CLINT1: variants seen among roughly 807,000 people sequenced by gnomAD.
CLINT1 encodes the protein clathrin interacting protein localized in the trans-Golgi region.
CLINT1 carries 15 observed loss-of-function variants against 70.4 expected under a neutral mutation model. The observed-to-expected ratio is 0.21, with a 90% CI of 0.14 to 0.33. The LOEUF is 0.33. Ranked by LOEUF, CLINT1 falls within the 10% of genes least tolerant of loss-of-function variation. CLINT1 has a pLI of 1.00. For missense variants in CLINT1, 615 were observed against 778.1 expected (o/e 0.79, Z 2.49); for synonymous variants, 227 against 254.7 (o/e 0.89, Z 1.04).
intron 8 of CLINT1, among the ~76,000 whole-genome samples, chr5:157,799,868 G>T (rs1413507610): frequency 6.6e-6 from 1 of 152,052 alleles, no homozygotes; most frequent in East Asian, 1.9e-4. Context: ...CACTATACTG[G>T]ATACTGTAGG....
At position 157,794,906 on chromosome 5, in the gene CLINT1, G is replaced by T; in HGVS notation, c.1079C>A (p.Pro360His). ...ATCAAATTGAATCATACCTTGGGAA[G>T]GGAAACTGCCTGATGCAGCAGCTGA... ...FGSAAASGSF[P>H]SQVTATSGNG... The change falls in exon 9 of 12, where the codon CCT becomes CAT. Residue 360 changes from proline (P) to histidine (H), a missense_variant. By Grantham distance (77) the Pro-to-His change is moderately conservative. Around this residue, in one of 2 missense-constraint regions of CLINT1, gnomAD observed 374 missense variants for 409.6 expected, o/e 0.91. Transcript: ENST00000411809. The T allele has an allele frequency of 6.4e-7, 1 of 1,558,016 alleles. No individual in the cohort carries two copies. The highest frequency in any genetic ancestry group is 2.4e-5 in the East Asian group (1 of 41,642).
intron 1 of CLINT1, among the ~76,000 whole-genome samples, chr5:157,855,533 C>CTA (rs886824564): frequency 1.3e-5 from 2 of 152,120 alleles, no homozygotes. Context: ...TCTGGCAGGC[C>CTA]TATGGCTTTA....
chr5:157,788,317 T>C (rs1265140652), intron 11 of CLINT1, among the ~76,000 whole-genome samples: 1 of 152,206 alleles, frequency 6.6e-6, no homozygotes, highest in African/African-American at 2.4e-5. Context: ...AAAAAATCTT[T>C]CAAAGGTTTA....
chr5:157,814,638 G>A (rs944641764), intron 3 of CLINT1, among the ~76,000 whole-genome samples: 1 of 152,154 alleles, frequency 6.6e-6, no homozygotes, highest in Non-Finnish European at 1.5e-5. Flanking sequence ...TGAGCATTAT[G>A]GAACTGTGAA....
At chr5:157,830,796 C>CTATATATATATATATA (rs369160163) in intron 1 of CLINT1, among the ~76,000 whole-genome samples, 2 of 85,718 alleles carry the variant, frequency 2.3e-5, no homozygotes, top group Admixed American at 1.4e-4. Context: ...CTCTCTCTCT[C>CTATATATATATATATA]TATATATATA....
At chr5:157,849,303 C>T (rs954644228) in intron 1 of CLINT1, among the ~76,000 whole-genome samples, 2 of 152,184 alleles carry the variant, frequency 1.3e-5, no homozygotes, top group Non-Finnish European at 1.5e-5. Context: ...CAAGATTTTC[C>T]ACCAGCAGAA....
intron 1 of CLINT1, among the ~76,000 whole-genome samples, chr5:157,857,096 G>C (rs1308820574): frequency 1.3e-5 from 2 of 151,886 alleles, no homozygotes; most frequent in African/African-American, 4.8e-5. Context: ...AAATAAGGAG[G>C]CAGTGCCAGG....
At position 157,803,644 on chromosome 5, in the gene CLINT1, G is replaced by T; in HGVS notation, c.1012+6C>A. 6.7e-7 allele frequency: 1 copy of T among 1,501,976 alleles called. No homozygotes were observed. 93.0% of individuals were successfully genotyped at this position (1,501,976 alleles called of 1,614,324 possible). ...ACCAAAAGAAAAGGCCAATGTAGAA[G>T]CTTACCTGTTGACTGGCTGGTGCCA... On this transcript the variant is annotated splice_donor_region_variant and intron_variant, in intron 8 of 11. Coordinates refer to ENST00000411809, the MANE Select transcript of CLINT1 (RefSeq NM_014666.4).
chr5:157,811,532 A>T (rs1762557760), intron 5 of CLINT1, among the ~76,000 whole-genome samples: 1 of 121,614 alleles, frequency 8.2e-6, no homozygotes, highest in Non-Finnish European at 1.7e-5. Context: ...GAATCCTCAA[A>T]AAAAAAAAAA....
intron 1 of CLINT1, among the ~76,000 whole-genome samples, chr5:157,835,740 C>T (rs1481886659): frequency 6.6e-6 from 1 of 152,112 alleles, no homozygotes; most frequent in African/African-American, 2.4e-5. Flanking sequence ...ACAAAGCCAG[C>T]TCTTTTGGGG....
rs190360771 is a variant in CLINT1 at position 157,789,086 on chromosome 5, A to C, written c.1531+277T>G. Among the ~76,000 whole-genome samples the C allele has an allele frequency of 1.9e-3, 289 of 152,306 alleles. 1 individual carries two copies. The highest frequency in any genetic ancestry group is 6.7e-3 in the African/African-American group (278 of 41,586). On this transcript the variant is annotated intron_variant, in intron 11 of 11. Transcript: ENST00000411809. ...CCATCGTATTTGCCTATATTTAAAAAAAAATCTGTATAGCAAATTTTTATT... is the reference window on the plus strand; with the variant it reads ...CCATCGTATTTGCCTATATTTAAAACAAAATCTGTATAGCAAATTTTTATT...
At chr5:157,856,929 A>T (rs1214311998) in intron 1 of CLINT1, among the ~76,000 whole-genome samples, 2 of 152,238 alleles carry the variant, frequency 1.3e-5, no homozygotes, top group African/African-American at 4.8e-5. Context: ...AAGTGTGATA[A>T]GCAAATATGA....
intron 10 of CLINT1, chr5:157,789,784 C>T: frequency 1.8e-6 from 1 of 541,116 alleles, no homozygotes. Flanking sequence ...CCTACACTAA[C>T]AATTATTCTC....
At position 157,791,695 on chromosome 5, in the gene CLINT1, C is replaced by T; in HGVS notation, c.1380+8G>A. On this transcript the variant is annotated splice_region_variant and intron_variant, in intron 10 of 11. Transcript: ENST00000411809. ...AATAACAAATTCCAAGGGAACCAGA[C>T]AACTTACCTGTGATCTTGACATAGG... is the stretch of plus-strand genomic sequence containing the variant. The T allele has an allele frequency of 6.2e-7, 1 of 1,600,038 alleles. No individual in the cohort carries two copies.
rs1271911218 is a variant in CLINT1, at chr5:157,791,499, C to T, written c.1380+204G>A. ...CTACAAGATGGGGGAGAAGGTCTTG[C>T]CTTCCAGAATGCAAATGACTATGCT... On this transcript the variant is annotated intron_variant, in intron 10 of 11. Transcript: ENST00000411809. 5 of 555,246 alleles carry T rather than the reference C, an allele frequency of 9.0e-6. No homozygotes were observed. The Admixed American group carries it at 1.0e-4, about 11-fold the overall frequency. The allele number at this position is 555,246 out of a possible 1,614,324, so 34.4% of individuals were successfully genotyped here. A position where few individuals can be genotyped will look rare whatever the true frequency, so the allele number is the denominator to read the frequency against.
At chr5:157,817,715 A>T (rs934530889) in intron 1 of CLINT1, among the ~76,000 whole-genome samples, 168 bp from the exon 2 acceptor site, 2 of 152,216 alleles carry the variant, frequency 1.3e-5, no homozygotes, top group African/African-American at 4.8e-5. Flanking sequence ...ACTATGTAAC[A>T]CACTTAAGTT....
At chr5:157,795,133 T>C (rs1471807263) in intron 8 of CLINT1, 161 bp from the exon 9 acceptor site, 2 of 627,300 alleles carry the variant, frequency 3.2e-6, no homozygotes, top group Non-Finnish European at 5.7e-6. Flanking sequence ...CATGTCACTA[T>C]GTTCCCTATG....
Position 157,791,725 on chromosome 5 carries a change from C to A in CLINT1, c.1358G>T (p.Gly453Val). The A allele has an allele frequency of 6.2e-7, 1 of 1,613,068 alleles. No individual in the cohort carries two copies. Among genetic ancestry groups the A allele is most frequent in the Non-Finnish European group, 8.5e-7 (1 of 1,179,462 alleles). Reference protein sequence around the residue: ...SMMSTNTVGLGLPMSRSQNTD... With the variant: ...SMMSTNTVGLVLPMSRSQNTD... ...TACCTGTGATCTTGACATAGGCAAA[C>A]CAAGTCCCACAGTGTTAGTGCTCAT... The change falls in exon 10 of 12, where the codon GGT (glycine) becomes GTT (valine). Residue 453 changes from glycine (G) to valine (V), a missense_variant. This residue lies in a region of CLINT1 where 374 missense variants were observed against 409.6 expected (regional missense o/e 0.91). Coordinates refer to ENST00000411809, the MANE Select transcript of CLINT1 (RefSeq NM_014666.4).
intron 6 of CLINT1, among the ~76,000 whole-genome samples, chr5:157,806,866 CA>C (rs1361095262): frequency 6.6e-6 from 1 of 151,708 alleles, no homozygotes; most frequent in African/African-American, 2.4e-5. Flanking sequence ...AAAAACTAAA[CA>C]GTAAAAGCCT....
Sources: gnomAD v4.1 joint callset for allele counts (sites outside exome capture counted in the v4.1 genomes callset) on GRCh38, gnomAD v4.1.1 for gene constraint, gnomAD v4.1.1 regional missense constraint, MANE v1.5 for transcripts, NCBI Gene and HGNC (gene_info 2026-07-23, HGNC 2026-07-21) for gene names.